Variants in RARB observed in about 807,000 individuals in gnomAD.
RARB encodes the protein retinoic acid receptor beta.
A neutral mutation model predicts 51.9 loss-of-function variants in RARB; 17 were observed. The ratio of observed to expected loss-of-function variants is 0.33; its 90% CI spans 0.22 to 0.49. RARB has a LOEUF of 0.49. Among genes scored for constraint, RARB ranks in the 20% least tolerant of loss-of-function variants. The probability of loss-of-function intolerance (pLI) is 0.99; values close to 1 mark genes in which losing one functional copy is unlikely to be tolerated. For synonymous variants in RARB, 215 were observed against 195.4 expected, an observed-to-expected ratio of 1.10 and a Z score of -0.84; for missense variants, 369 against 550.8, an observed-to-expected ratio of 0.67 and a Z score of 3.30.
At chr3:24,900,605 T>C (rs1214294921) in intron 2 of RARB, among the ~76,000 whole-genome samples, 1 of 150,290 alleles carries the variant, frequency 6.7e-6, no homozygotes, top group Non-Finnish European at 1.5e-5. Context: ...TTTTGCTTAA[T>C]AATTATCTAA....
intron 5 of RARB, among the ~76,000 whole-genome samples, chr3:25,304,411 G>A (rs114674144): frequency 0.014 from 2,133 of 152,222 alleles, 50 homozygotes; most frequent in African/African-American, 0.048. Flanking sequence ...CATGTCTGCC[G>A]TAACTGCTAT....
chr3:25,033,281 A>G (rs1485793566), intron 2 of RARB, among the ~76,000 whole-genome samples: 1 of 152,216 alleles, frequency 6.6e-6, no homozygotes, highest in Non-Finnish European at 1.5e-5. Context: ...AGACAATTAA[A>G]GTAGGGGTCA....
chr3:25,520,539 AC>A (rs1302755200), intron 3 of RARB, among the ~76,000 whole-genome samples: 1 of 152,236 alleles, frequency 6.6e-6, no homozygotes, highest in Non-Finnish European at 1.5e-5. Context: ...GAGAATTTAA[AC>A]ATCCAACTGA....
rs577207088 is a variant in RARB, at chr3:25,577,998, C to G, written c.610-2548C>G. Among the ~76,000 whole-genome samples the G allele has an allele frequency of 2.4e-4, 36 of 152,364 alleles. 1 individual carries two copies. The South Asian group carries it at 7.2e-3, about 31-fold the overall frequency. ...AGCAGATGGAGGAGAGCCCCTTGCC[C>G]TTCTGGCTTGGCTGTTTTCCTCATC... On this transcript the variant is annotated intron_variant, in intron 4 of 7. Coordinates refer to ENST00000330688, the MANE Select transcript of RARB (RefSeq NM_000965.5).
chr3:25,049,097 C>A (rs755600480), intron 2 of RARB, among the ~76,000 whole-genome samples: 3 of 152,126 alleles, frequency 2.0e-5, no homozygotes, highest in Non-Finnish European at 2.9e-5. Flanking sequence ...ATAATTGCCC[C>A]TGATACAGAA....
intron 5 of RARB, among the ~76,000 whole-genome samples, chr3:25,341,877 C>G (rs754474539): frequency 6.6e-6 from 1 of 152,064 alleles, no homozygotes; most frequent in Non-Finnish European, 1.5e-5. Context: ...ACACCTCAAA[C>G]TACGCTAATT....
chr3:25,465,441 G>A (rs921169608), intron 2 of RARB, among the ~76,000 whole-genome samples: 3 of 152,302 alleles, frequency 2.0e-5, no homozygotes, highest in South Asian at 4.1e-4. Flanking sequence ...CTCCCAAACA[G>A]AGCCTGGTAT....
At chr3:24,918,192 C>T (rs780399504) in intron 2 of RARB, among the ~76,000 whole-genome samples, 7 of 152,138 alleles carry the variant, frequency 4.6e-5, no homozygotes, top group East Asian at 1.9e-4. Flanking sequence ...ACGGTACCTC[C>T]GTACAATGGC....
chr3:25,231,505 C>G (rs1158617978), intron 5 of RARB, among the ~76,000 whole-genome samples: 1 of 152,162 alleles, frequency 6.6e-6, no homozygotes, highest in Non-Finnish European at 1.5e-5. Context: ...TCCCAGAGAT[C>G]TTTTAGGTTA....
intron 3 of RARB, among the ~76,000 whole-genome samples, chr3:25,560,788 T>G (rs1486387616): frequency 6.6e-6 from 1 of 152,224 alleles, no homozygotes; most frequent in African/African-American, 2.4e-5. Flanking sequence ...TTTGTGTATA[T>G]TAAATCCTTA....
intron 2 of RARB, among the ~76,000 whole-genome samples, chr3:25,468,571 C>A (rs540578047): frequency 6.6e-6 from 1 of 151,930 alleles, no homozygotes; most frequent in East Asian, 1.9e-4. Flanking sequence ...AAACACCCCA[C>A]TGCTTCAGCC....
At chr3:25,548,800 C>T (rs1699727343) in intron 3 of RARB, among the ~76,000 whole-genome samples, 1 of 152,042 alleles carries the variant, frequency 6.6e-6, no homozygotes, top group Non-Finnish European at 1.5e-5. Context: ...TATATACATT[C>T]CCAGGAGAAA....
intron 2 of RARB, among the ~76,000 whole-genome samples, chr3:25,490,122 C>T (rs1359086621): frequency 6.6e-6 from 1 of 152,204 alleles, no homozygotes; most frequent in South Asian, 2.1e-4. Context: ...AAATGCCTGA[C>T]TAGCTTTCCT....
intron 5 of RARB, among the ~76,000 whole-genome samples, chr3:25,337,981 T>C (rs1705113165): frequency 1.3e-5 from 2 of 152,052 alleles, no homozygotes; most frequent in South Asian, 4.1e-4. Context: ...CTAAAAACTG[T>C]AATTTATCTC....
intron 3 of RARB, among the ~76,000 whole-genome samples, chr3:25,510,970 A>G (rs1331980075): frequency 1.3e-5 from 2 of 152,246 alleles, no homozygotes; most frequent in Non-Finnish European, 1.5e-5. Context: ...AAGGCCAGGC[A>G]GTAAATATTT....
chr3:25,374,028 A>C (rs1706382894), intron 5 of RARB, among the ~76,000 whole-genome samples: 1 of 152,218 alleles, frequency 6.6e-6, no homozygotes, highest in South Asian at 2.1e-4. Flanking sequence ...GGTATATTTC[A>C]ATATTTCAAC....
chr3:25,582,265 A>C (rs1292141461), intron 5 of RARB, among the ~76,000 whole-genome samples: 2 of 152,214 alleles, frequency 1.3e-5, no homozygotes, highest in Non-Finnish European at 2.9e-5. Context: ...TGTAACACTC[A>C]GTAGAATTTC....
At chr3:25,201,737 T>TG (rs765850456) in intron 5 of RARB, among the ~76,000 whole-genome samples, 1 of 152,240 alleles carries the variant, frequency 6.6e-6, no homozygotes, top group African/African-American at 2.4e-5. Flanking sequence ...TTATGTTTAT[T>TG]GGTTTTCGTA....
At chr3:24,837,465 C>G (rs1702359340) in intron 1 of RARB, among the ~76,000 whole-genome samples, 1 of 152,130 alleles carries the variant, frequency 6.6e-6, no homozygotes, top group Non-Finnish European at 1.5e-5. Context: ...GTTACAATGA[C>G]AATTGTGGTT....
Sources: gnomAD v4.1 joint callset for allele counts (sites outside exome capture counted in the v4.1 genomes callset) on GRCh38, gnomAD v4.1.1 for gene constraint, MANE v1.5 for transcripts, NCBI Gene and HGNC (gene_info 2026-07-23, HGNC 2026-07-21) for gene names.